The following CALN1 variants were observed in gnomAD, a reference collection of about 807,000 sequenced individuals.
The protein encoded by CALN1 is calneuron 1, also known as calcium-binding protein 8.
A neutral mutation model predicts 30.6 loss-of-function variants in CALN1; 17 were observed. That is an observed-to-expected ratio of 0.56 (90% confidence interval 0.38 to 0.83). CALN1 has a LOEUF of 0.83. CALN1 is among the 40% of genes least tolerant of loss of function. CALN1 has a pLI of 0.00. For missense variants in CALN1, 291 were observed against 354.9 expected (o/e 0.82, Z 1.45); for synonymous variants, 156 against 131.4 (o/e 1.19, Z -1.28).
At chr7:71,846,550 A>C (rs1185191352) in intron 5 of CALN1, among the ~76,000 whole-genome samples, 1 of 151,934 alleles carries the variant, frequency 6.6e-6, no homozygotes, top group Non-Finnish European at 1.5e-5. Context: ...GTGTGTATAG[A>C]TAGATATAGA....
intron 5 of CALN1, among the ~76,000 whole-genome samples, chr7:71,857,043 T>TGA (rs1791000614): frequency 6.6e-6 from 1 of 151,684 alleles, no homozygotes. Flanking sequence ...TGTGTGTGTG[T>TGA]GTGTGTGTGT....
chr7:72,180,524 C>CTT (rs35465505), intron 3 of CALN1, among the ~76,000 whole-genome samples: 7 of 113,668 alleles, frequency 6.2e-5, no homozygotes, highest in Non-Finnish European at 9.4e-5. Flanking sequence ...AGAAGGTGTC[C>CTT]TTTTTTTTTT....
chr7:71,868,113 C>G (rs1791695793), intron 5 of CALN1, among the ~76,000 whole-genome samples: 1 of 152,144 alleles, frequency 6.6e-6, no homozygotes, highest in Admixed American at 6.5e-5. Context: ...AATCTATCCC[C>G]ATCCTAGAAT....
Position 71,808,638 on chromosome 7 carries a change from T to C in CALN1, c.658+1698A>G, listed in dbSNP as rs184513309. Among the ~76,000 whole-genome samples, 523 of 152,266 alleles carry C rather than the reference T, an allele frequency of 3.4e-3. 1 individual carries two copies. The highest frequency in any genetic ancestry group is 5.6e-3 in the Non-Finnish European group (379 of 68,032). Reference sequence around the variant, plus strand: ...ACTTCGAATTTAGATTATTTCCCAGTATAGCCTGACCTTTCCCAAATTACT... The same window carrying C: ...ACTTCGAATTTAGATTATTTCCCAGCATAGCCTGACCTTTCCCAAATTACT... On this transcript the variant is annotated intron_variant, in intron 6 of 6. Transcript: ENST00000395275.
chr7:72,092,556 G>A (rs374591248), intron 4 of CALN1, among the ~76,000 whole-genome samples: 7 of 139,308 alleles, frequency 5.0e-5, no homozygotes, highest in South Asian at 4.5e-4. Flanking sequence ...ATTGTGTTTC[G>A]CCCTTCTTCA....
intron 2 of CALN1, among the ~76,000 whole-genome samples, chr7:72,338,525 G>GTGTCTGTC (rs1554378747): frequency 0.02 from 2,458 of 122,320 alleles, 165 homozygotes; most frequent in Admixed American, 0.023. Context: ...GTGTGTGTGT[G>GTGTCTGTC]TGTCTCACCT....
chr7:72,335,145 C>T (rs909496210), intron 2 of CALN1, among the ~76,000 whole-genome samples: 2 of 152,176 alleles, frequency 1.3e-5, no homozygotes, highest in African/African-American at 4.8e-5. Context: ...CCACATTCTT[C>T]TTCCAACACC....
chr7:72,211,672 C>G (rs1792405859), intron 3 of CALN1, among the ~76,000 whole-genome samples: 1 of 152,190 alleles, frequency 6.6e-6, no homozygotes, highest in African/African-American at 2.4e-5. Context: ...TGCAAAATAT[C>G]ATTGCATGTG....
At chr7:72,009,801 C>G (rs58863475) in intron 5 of CALN1, among the ~76,000 whole-genome samples, 7,657 of 152,252 alleles carry the variant, frequency 0.05, 219 homozygotes, top group Non-Finnish European at 0.063. Context: ...GTAAGACATG[C>G]CTTTCACCTT....
chr7:72,263,894 C>T (rs886840801), intron 3 of CALN1, among the ~76,000 whole-genome samples: 5 of 152,174 alleles, frequency 3.3e-5, no homozygotes, highest in Admixed American at 1.3e-4. Flanking sequence ...AAATTAATGT[C>T]CTCCTGCAGG....
intron 3 of CALN1, among the ~76,000 whole-genome samples, chr7:72,260,781 T>C (rs1173125847): frequency 1.3e-5 from 2 of 151,232 alleles, no homozygotes; most frequent in Admixed American, 6.6e-5. Context: ...TTTTCCCACT[T>C]CCCCCCACCA....
chr7:72,154,027 G>A (rs1002825378), intron 3 of CALN1, among the ~76,000 whole-genome samples: 8 of 152,092 alleles, frequency 5.3e-5, no homozygotes, highest in Non-Finnish European at 8.8e-5. Flanking sequence ...TGGACACTAG[G>A]AGGGAGGTCT....
intron 3 of CALN1, among the ~76,000 whole-genome samples, chr7:72,264,080 C>T (rs561225159): frequency 1.3e-5 from 2 of 152,258 alleles, no homozygotes; most frequent in Admixed American, 6.5e-5. Flanking sequence ...AAGTTCCACA[C>T]GACCGAGCCA....
intron 3 of CALN1, among the ~76,000 whole-genome samples, chr7:72,250,572 A>T (rs1395811461): frequency 2.0e-5 from 3 of 152,010 alleles, no homozygotes; most frequent in Non-Finnish European, 4.4e-5. Context: ...CTGGTGTTGG[A>T]GGTGGGGTCT....
At chr7:72,079,235 A>G (rs1804955362) in intron 4 of CALN1, among the ~76,000 whole-genome samples, 1 of 152,102 alleles carries the variant, frequency 6.6e-6, no homozygotes, top group African/African-American at 2.4e-5. Flanking sequence ...CAATCGACTT[A>G]ATTTCTCTGT....
chr7:71,815,655 C>A (rs926853500), intron 5 of CALN1, among the ~76,000 whole-genome samples: 2 of 152,124 alleles, frequency 1.3e-5, no homozygotes, highest in South Asian at 4.1e-4. Context: ...AGTTACTCTG[C>A]ACTATGAGGA....
intron 5 of CALN1, among the ~76,000 whole-genome samples, chr7:71,925,098 G>A (rs972451159): frequency 2.6e-5 from 4 of 151,964 alleles, no homozygotes; most frequent in Admixed American, 2.6e-4. Context: ...AAAATTAGCT[G>A]GGCATGGTGG....
intron 3 of CALN1, among the ~76,000 whole-genome samples, chr7:72,266,149 A>AC (rs1458550166): frequency 1.3e-5 from 2 of 151,920 alleles, no homozygotes; most frequent in Non-Finnish European, 2.9e-5. Flanking sequence ...GAAAAAAAAA[A>AC]ACTAAACTAC....
intron 5 of CALN1, among the ~76,000 whole-genome samples, chr7:71,981,325 G>A (rs867962015): frequency 6.6e-6 from 1 of 151,852 alleles, no homozygotes; most frequent in Admixed American, 6.6e-5. Flanking sequence ...TTCCAGAGAG[G>A]GTCCTCCCCT....
Sources: gnomAD v4.1 joint callset for allele counts (sites outside exome capture counted in the v4.1 genomes callset) on GRCh38, gnomAD v4.1.1 for gene constraint, MANE v1.5 for transcripts, NCBI Gene and HGNC (gene_info 2026-07-23, HGNC 2026-07-21) for gene names.